NSG2: variants seen among roughly 807,000 people sequenced by gnomAD.
NSG2 encodes the protein neuronal vesicle trafficking-associated protein 2.
A neutral mutation model predicts 16.9 loss-of-function variants in NSG2; 4 were observed. That is an observed-to-expected ratio of 0.24 (90% CI 0.12 to 0.54). The LOEUF (loss-of-function observed/expected upper bound fraction) is 0.54. NSG2 is among the 20% of genes least tolerant of loss of function. The probability of loss-of-function intolerance (pLI) is 0.95; values close to 1 mark genes in which losing one functional copy is unlikely to be tolerated. For synonymous variants in NSG2, 98 were observed against 88.7 expected, an observed-to-expected ratio of 1.11 and a Z score of -0.59; for missense variants, 179 against 221.1, an observed-to-expected ratio of 0.81 and a Z score of 1.21.
intron 3 of NSG2, among the ~76,000 whole-genome samples, chr5:174,101,104 G>A (rs1429535991): frequency 6.6e-6 from 1 of 152,232 alleles, no homozygotes; most frequent in African/African-American, 2.4e-5. Context: ...GTCTGTGGAT[G>A]AGCCTGCGAC....
chr5:174,063,829 G>A (rs2113434362), intron 2 of NSG2, among the ~76,000 whole-genome samples: 1 of 152,216 alleles, frequency 6.6e-6, no homozygotes, highest in Non-Finnish European at 1.5e-5. Context: ...GCAGTGAAAT[G>A]TTATACTATG....
At chr5:174,083,294 C>T (rs1291278468) in intron 3 of NSG2, among the ~76,000 whole-genome samples, 1 of 152,240 alleles carries the variant, frequency 6.6e-6, no homozygotes, top group African/African-American at 2.4e-5. Flanking sequence ...GTCCAGTGAA[C>T]AATTAGGCTT....
At chr5:174,079,053 TC>T (rs1437112494) in intron 3 of NSG2, among the ~76,000 whole-genome samples, 2 of 152,092 alleles carry the variant, frequency 1.3e-5, no homozygotes, top group Non-Finnish European at 2.9e-5. Context: ...ATATACACCT[TC>T]CCTTTTAATT....
At chr5:174,065,364 C>T (rs1323077885) in intron 3 of NSG2, among the ~76,000 whole-genome samples, 6 of 150,982 alleles carry the variant, frequency 4.0e-5, no homozygotes, top group Admixed American at 3.3e-4. Flanking sequence ...TGAGGCCGGG[C>T]TCTAGGAGGG....
intron 3 of NSG2, among the ~76,000 whole-genome samples, chr5:174,102,455 A>G (rs1760909925): frequency 6.6e-6 from 1 of 152,174 alleles, no homozygotes; most frequent in Admixed American, 6.5e-5. Flanking sequence ...TGAAAGGGAC[A>G]CCAGCTTTAA....
At chr5:174,096,917 CT>C (rs1760802731) in intron 3 of NSG2, among the ~76,000 whole-genome samples, 1 of 152,166 alleles carries the variant, frequency 6.6e-6, no homozygotes, top group Non-Finnish European at 1.5e-5. Flanking sequence ...CATGATATAA[CT>C]TGGTGCCTTT....
intron 3 of NSG2, among the ~76,000 whole-genome samples, chr5:174,079,922 T>G (rs1468131314): frequency 2.0e-5 from 3 of 152,216 alleles, no homozygotes; most frequent in Admixed American, 6.5e-5. Context: ...CTTCTGGTGC[T>G]TTTATGATTG....
intron 3 of NSG2, among the ~76,000 whole-genome samples, chr5:174,093,335 C>T (rs1284870269): frequency 6.6e-6 from 1 of 152,194 alleles, no homozygotes; most frequent in Non-Finnish European, 1.5e-5. Context: ...GGCTTTTATG[C>T]ACTACCACGC....
intron 2 of NSG2, among the ~76,000 whole-genome samples, chr5:174,055,121 C>G (rs1224658873): frequency 6.6e-6 from 1 of 152,198 alleles, no homozygotes; most frequent in Non-Finnish European, 1.5e-5. Flanking sequence ...GAGAGGTGAA[C>G]AGTGACATGG....
rs758301175 is a variant in NSG2 at position 174,046,813 on chromosome 5, G to C, written c.58G>C (p.Asp20His). ...EKGTKPPSVEDGFQTVPLITP... is the reference protein window; with the variant it reads ...EKGTKPPSVEHGFQTVPLITP... The stretch of plus-strand genomic sequence containing the variant: ...GGGAACCAAGCCGCCTTCAGTTGAG[G>C]ATGGCTTCCAGACCGTCCCTCTCAT... The change falls in exon 2 of 5, where the codon GAT (aspartate) becomes CAT (histidine). Residue 20 changes from aspartate to histidine, a missense_variant. Asp to His is a moderately conservative substitution (Grantham distance 81). Transcript: ENST00000303177. 3.1e-6 allele frequency: 5 copies of C among 1,614,118 alleles called. No individual in the cohort carries two copies.
chr5:174,091,345 T>G (rs1355981800), intron 3 of NSG2: 3 of 152,412 alleles, frequency 2.0e-5, no homozygotes, highest in African/African-American at 7.2e-5. Flanking sequence ...AGTTCACCTG[T>G]GTGCCCTTTG....
At chr5:174,071,877 C>T (rs1760248767) in intron 3 of NSG2, among the ~76,000 whole-genome samples, 1 of 152,190 alleles carries the variant, frequency 6.6e-6, no homozygotes, top group Admixed American at 6.5e-5. Flanking sequence ...ACAGGAATGG[C>T]TCCTAAGGAT....
At chr5:174,080,512 C>CTCTCTCTCTCTCTCT (rs1561668573) in intron 3 of NSG2, among the ~76,000 whole-genome samples, 1 of 93,566 alleles carries the variant, frequency 1.1e-5, no homozygotes, top group African/African-American at 4.4e-5. Flanking sequence ...TCTTTCTTTC[C>CTCTCTCTCTCTCTCT]CTCTTTCTTT....
chr5:174,106,760 A>G (rs1307830200), intron 4 of NSG2, among the ~76,000 whole-genome samples: 3 of 151,544 alleles, frequency 2.0e-5, no homozygotes, highest in Admixed American at 1.3e-4. Flanking sequence ...ATGCCCAGCT[A>G]TTTTTTGTAT....
chr5:174,053,334 A>G (rs896410968), intron 2 of NSG2, among the ~76,000 whole-genome samples: 3 of 151,960 alleles, frequency 2.0e-5, no homozygotes, highest in Admixed American at 2.0e-4. Flanking sequence ...CTTGAAGATG[A>G]TAGGTTTAGA....
Position 174,071,625 on chromosome 5 carries a change from C to T in NSG2, c.213+7310C>T, listed in dbSNP as rs367925993. Among the ~76,000 whole-genome samples, 162 of 152,324 alleles carry T rather than the reference C, an allele frequency of 1.1e-3. No individual in the cohort carries two copies. In the South Asian group the frequency reaches 0.015, roughly 14 times the overall value. The stretch of plus-strand genomic sequence containing the variant: ...GATTTTTGCTGTTTCATCCGCTCAC[C>T]GATCCATTCCACTCTTTGGGCTCCT... On this transcript the variant is annotated intron_variant, in intron 3 of 4. Coordinates refer to ENST00000303177, the MANE Select transcript of NSG2 (RefSeq NM_015980.5).
intron 3 of NSG2, among the ~76,000 whole-genome samples, chr5:174,099,828 C>T (rs866630068): frequency 4.6e-5 from 7 of 152,130 alleles, no homozygotes; most frequent in African/African-American, 1.2e-4. Context: ...TGCCCCCGCC[C>T]CCAGGTTGAT....
At chr5:174,063,370 C>A (rs1760082528) in intron 2 of NSG2, among the ~76,000 whole-genome samples, 1 of 152,068 alleles carries the variant, frequency 6.6e-6, no homozygotes, top group Non-Finnish European at 1.5e-5. Context: ...AAGATGTTAA[C>A]CACCTCTGCA....
intron 2 of NSG2, among the ~76,000 whole-genome samples, chr5:174,054,934 T>G (rs750106959): frequency 1.3e-5 from 2 of 152,230 alleles, no homozygotes; most frequent in Non-Finnish European, 2.9e-5. Context: ...CTCTAAGGAT[T>G]GTTGTAAAGA....
Sources: gnomAD v4.1 joint callset for allele counts (sites outside exome capture counted in the v4.1 genomes callset) on GRCh38, gnomAD v4.1.1 for gene constraint, MANE v1.5 for transcripts, NCBI Gene and HGNC (gene_info 2026-07-23, HGNC 2026-07-21) for gene names.